Variants in MAST2 observed in about 807,000 individuals in gnomAD.
The protein encoded by MAST2 is microtubule associated serine/threonine kinase 2.
MAST2 carries 70 observed loss-of-function variants against 147.4 expected under a neutral mutation model. The observed-to-expected ratio is 0.47, with a 90% confidence interval of 0.39 to 0.58. The LOEUF (loss-of-function observed/expected upper bound fraction) is 0.58, where lower values mean the gene tolerates loss of function less well. MAST2 is among the 20% of genes least tolerant of loss of function. The pLI is 0.00. For missense variants in MAST2, 2,080 were observed against 2,302.3 expected (o/e 0.90, Z 1.98); for synonymous variants, 869 against 896.8 (o/e 0.97, Z 0.55).
At chr1:45,957,020 C>T (rs985740837) in intron 4 of MAST2, among the ~76,000 whole-genome samples, 7 of 152,258 alleles carry the variant, frequency 4.6e-5, no homozygotes, top group Admixed American at 6.5e-5. Flanking sequence ...TCCCTTTTAG[C>T]GCATGTGTCA....
chr1:45,905,492 G>C (rs1650536775), intron 4 of MAST2, among the ~76,000 whole-genome samples: 1 of 152,106 alleles, frequency 6.6e-6, no homozygotes, highest in African/African-American at 2.4e-5. Context: ...AAAAATGAAA[G>C]AGCCGGCTGT....
chr1:45,879,924 A>G (rs1022673955), intron 3 of MAST2, among the ~76,000 whole-genome samples: 2 of 152,204 alleles, frequency 1.3e-5, no homozygotes, highest in African/African-American at 4.8e-5. Flanking sequence ...ATGAATGTAG[A>G]GTAGTTCGAA....
chr1:46,004,959 TGGG>T (rs1645424726), intron 7 of MAST2, among the ~76,000 whole-genome samples: 1 of 151,718 alleles, frequency 6.6e-6, no homozygotes, highest in South Asian at 2.1e-4. Context: ...TTCAGCTGCT[TGGG>T]AGGCTGAGGC....
At chr1:45,949,026 A>G (rs995473513) in intron 4 of MAST2, among the ~76,000 whole-genome samples, 5 of 152,162 alleles carry the variant, frequency 3.3e-5, no homozygotes, top group Non-Finnish European at 5.9e-5. Context: ...CTGGCTAGCC[A>G]TAAGCAGAAG....
At chr1:45,818,963 G>A (rs189805276) in intron 1 of MAST2, among the ~76,000 whole-genome samples, 6 of 152,214 alleles carry the variant, frequency 3.9e-5, no homozygotes, top group Admixed American at 3.9e-4. Context: ...ATTTAAGAAT[G>A]TATTCCAAGA....
chr1:45,821,584 ATCTTGGC>A (rs1441494406), intron 1 of MAST2, among the ~76,000 whole-genome samples: 1 of 131,158 alleles, frequency 7.6e-6, no homozygotes, highest in East Asian at 2.2e-4. Context: ...GCAGGGCAGG[ATCTTGGC>A]TCGCTGCAAC....
At chr1:45,903,483 G>A (rs919737081) in intron 4 of MAST2, among the ~76,000 whole-genome samples, 1 of 152,106 alleles carries the variant, frequency 6.6e-6, no homozygotes, top group Non-Finnish European at 1.5e-5. Context: ...AGAGGTTTTG[G>A]TATGTTGTGT....
At chr1:45,971,951 T>C (rs898662048) in intron 5 of MAST2, among the ~76,000 whole-genome samples, 1 of 152,188 alleles carries the variant, frequency 6.6e-6, no homozygotes, top group South Asian at 2.1e-4. Context: ...TATCATCTAA[T>C]TGATTTTACA....
At position 45,981,557 on chromosome 1, in the gene MAST2, G is replaced by A. The variant is rs191470242; in HGVS notation, c.593-16167G>A. 4.9e-4 allele frequency among the ~76,000 whole-genome samples: 75 copies of A among 152,240 alleles called. 1 individual carries two copies. The highest frequency in any genetic ancestry group is 1.7e-3 in the African/African-American group (71 of 41,536). ...TTGTGGCCAATTTGTCAGTTTTACCGAAGTGGTCTGGTCCCCAATCCTTCA... is the reference window on the plus strand; with the variant it reads ...TTGTGGCCAATTTGTCAGTTTTACCAAAGTGGTCTGGTCCCCAATCCTTCA... On this transcript the variant is annotated intron_variant, in intron 5 of 28. Transcript: ENST00000361297.
At chr1:45,807,687 G>A (rs184844075) in intron 1 of MAST2, among the ~76,000 whole-genome samples, 150 of 152,060 alleles carry the variant, frequency 9.9e-4, no homozygotes, top group Admixed American at 1.2e-3. Flanking sequence ...GATTGCAGGC[G>A]TCCGCCACCA....
chr1:45,986,861 G>T (rs554358909), intron 5 of MAST2, among the ~76,000 whole-genome samples: 33 of 152,008 alleles, frequency 2.2e-4, no homozygotes, highest in Admixed American at 5.9e-4. Flanking sequence ...TCTTTGTCTG[G>T]TTTTGGTGTC....
chr1:45,841,097 G>A (rs1645259738), intron 3 of MAST2, among the ~76,000 whole-genome samples: 1 of 151,904 alleles, frequency 6.6e-6, no homozygotes, highest in Non-Finnish European at 1.5e-5. Context: ...CGGAAGCTGG[G>A]ACCACAGTTT....
rs1570124950 is a variant in MAST2 at position 45,803,904 on chromosome 1, G to C, written c.9G>C (p.Arg3=). MK[R]SRCRDRPQPP... Reference sequence around the variant, plus strand: ...GGGCCCCAGCTGCAGATATGAAGCGGAGCCGCTGCCGCGACCGACCGCAGC... The same window carrying C: ...GGGCCCCAGCTGCAGATATGAAGCGCAGCCGCTGCCGCGACCGACCGCAGC... Residue 3 remains arginine (R), a synonymous_variant, in exon 1 of 29, where the codon CGG becomes CGC. Transcript: ENST00000361297. 1.6e-6 allele frequency: 1 copy of C among 633,104 alleles called. No individual in the cohort carries two copies. 39.2% of individuals were successfully genotyped at this position (633,104 alleles called of 1,614,324 possible). A position where few individuals can be genotyped will look rare whatever the true frequency, so the allele number is the denominator to read the frequency against.
chr1:45,807,530 T>G (rs1224273480), intron 1 of MAST2, among the ~76,000 whole-genome samples: 1 of 152,064 alleles, frequency 6.6e-6, no homozygotes, highest in Non-Finnish European at 1.5e-5. Flanking sequence ...TCATTTGTGT[T>G]CTTAACATTT....
Position 46,019,664 on chromosome 1 carries a change from C to T in MAST2, c.1257C>T (p.Ile419=). ...AGCTGGTGAAAAAGCTGATGATTAT[C>T]ATTGCCCGCCCAGCACGTCTCCTGG... The part of the protein sequence containing the change: ...VMQLVKKLMI[I]IARPARLLEC... The change falls in exon 11 of 29, where the codon ATC becomes ATT. Residue 419 remains isoleucine, a synonymous_variant. Transcript: ENST00000361297. The T allele has an allele frequency of 6.2e-7, 1 of 1,614,188 alleles. No individual in the cohort carries two copies. Among genetic ancestry groups the T allele is most frequent in the Non-Finnish European group, 8.5e-7 (1 of 1,180,030 alleles).
intron 3 of MAST2, among the ~76,000 whole-genome samples, chr1:45,862,487 ATTTTTTT>A (rs67344347): frequency 7.3e-6 from 1 of 136,236 alleles, no homozygotes; most frequent in Non-Finnish European, 1.6e-5. Flanking sequence ...AGGACTGAAG[ATTTTTTT>A]TTTTTTTTTT....
At chr1:45,935,140 C>T (rs1241979775) in intron 4 of MAST2, among the ~76,000 whole-genome samples, 1 of 152,150 alleles carries the variant, frequency 6.6e-6, no homozygotes. Flanking sequence ...ATTTGCATTT[C>T]TCAGATGATT....
intron 3 of MAST2, among the ~76,000 whole-genome samples, chr1:45,877,262 A>G (rs896837878): frequency 6.6e-6 from 1 of 151,964 alleles, no homozygotes; most frequent in African/African-American, 2.4e-5. Flanking sequence ...TTTTCTTTTA[A>G]TTTTGATTTT....
intron 7 of MAST2, among the ~76,000 whole-genome samples, chr1:46,005,365 A>AG (rs1645444144): frequency 6.6e-6 from 1 of 151,704 alleles, no homozygotes; most frequent in South Asian, 2.1e-4. Flanking sequence ...TCTGTCTCAA[A>AG]AAAAAAAAAA....
Sources: allele counts gnomAD v4.1 joint callset (sites outside exome capture counted in the v4.1 genomes callset), GRCh38; gene constraint gnomAD v4.1.1; transcripts MANE v1.5; gene names NCBI Gene and HGNC (gene_info 2026-07-23, HGNC 2026-07-21).